KCNMA1: variants seen among roughly 807,000 people sequenced by gnomAD.
The protein encoded by KCNMA1 is potassium calcium-activated channel subfamily M alpha 1.
KCNMA1 carries 29 observed loss-of-function variants against 140.0 expected under a neutral mutation model. The observed-to-expected ratio is 0.21, with a 90% CI of 0.15 to 0.28. The LOEUF is 0.28. Ranked by LOEUF, KCNMA1 falls within the 10% of genes least tolerant of loss-of-function variation. KCNMA1 has a pLI of 1.00. For synonymous variants in KCNMA1, 612 were observed against 611.9 expected (o/e 1.00, Z 0.00); for missense variants, 880 against 1,602.2 (o/e 0.55, Z 7.70).
chr10:77,348,990 A>G (rs2092552908), intron 2 of KCNMA1, among the ~76,000 whole-genome samples: 1 of 152,208 alleles, frequency 6.6e-6, no homozygotes, highest in Admixed American at 6.5e-5. Context: ...AGCTTTTTGT[A>G]AGATTATAAA....
chr10:77,405,286 T>C (rs1318360687), intron 1 of KCNMA1, among the ~76,000 whole-genome samples: 1 of 152,228 alleles, frequency 6.6e-6, no homozygotes, highest in Non-Finnish European at 1.5e-5. Context: ...GCTTTATTTT[T>C]CTCCATAGCA....
chr10:77,249,261 G>T (rs1210345893), intron 3 of KCNMA1, among the ~76,000 whole-genome samples: 1 of 152,146 alleles, frequency 6.6e-6, no homozygotes, highest in Non-Finnish European at 1.5e-5. Flanking sequence ...GGCCTAGAAG[G>T]ATCACAATTA....
intron 12 of KCNMA1, among the ~76,000 whole-genome samples, chr10:77,081,160 G>A (rs2096555811): frequency 6.6e-6 from 1 of 152,112 alleles, no homozygotes; most frequent in African/African-American, 2.4e-5. Context: ...GAAACACGTG[G>A]GTTCCAGTCA....
chr10:76,948,046 C>T (rs909546567), intron 22 of KCNMA1, among the ~76,000 whole-genome samples: 1 of 151,978 alleles, frequency 6.6e-6, no homozygotes, highest in African/African-American at 2.4e-5. Flanking sequence ...GTTCTGTTGC[C>T]CAGGCTGGAG....
intron 13 of KCNMA1, among the ~76,000 whole-genome samples, chr10:77,073,799 G>A (rs1312567132): frequency 6.6e-6 from 1 of 152,106 alleles, no homozygotes; most frequent in African/African-American, 2.4e-5. Context: ...CTCACAAGTT[G>A]GAGGTGACGC....
intron 9 of KCNMA1, among the ~76,000 whole-genome samples, chr10:77,105,979 C>T (rs2097190846): frequency 6.6e-6 from 1 of 152,150 alleles, no homozygotes; most frequent in Admixed American, 6.5e-5. Context: ...AACATTTCAT[C>T]AATCTTGTTT....
intron 27 of KCNMA1, 91 bp downstream of exon 27, chr10:76,889,360 A>T: frequency 2.3e-6 from 2 of 878,498 alleles, no homozygotes; most frequent in Non-Finnish European, 3.9e-6. Context: ...GAGGAGATGT[A>T]TACAGACCTT....
At position 77,513,745 on chromosome 10, in the gene KCNMA1, A is replaced by G. The variant is rs565591614; in HGVS notation, c.379-109722T>C. On this transcript the variant is annotated intron_variant, in intron 1 of 27. Transcript: ENST00000286628. The stretch of plus-strand genomic sequence containing the variant: ...GAGGGAAGCACAAACCACTCCAATG[A>G]TCCATTCAGGCCATGTCTGCTCCAC... Among the ~76,000 whole-genome samples the G allele has an allele frequency of 3.3e-5, 5 of 152,336 alleles. No individual in the cohort carries two copies. In the South Asian group the frequency reaches 1.0e-3, roughly 32 times the overall value.
intron 1 of KCNMA1, among the ~76,000 whole-genome samples, chr10:77,484,381 T>C (rs1042104373): frequency 6.6e-6 from 1 of 152,240 alleles, no homozygotes; most frequent in African/African-American, 2.4e-5. Context: ...CTTATAGAAG[T>C]TGCCGTCCCC....
At chr10:77,333,329 C>T (rs1602946198) in intron 2 of KCNMA1, among the ~76,000 whole-genome samples, 1 of 115,158 alleles carries the variant, frequency 8.7e-6, no homozygotes, top group African/African-American at 3.5e-5. Flanking sequence ...GCCTGTGCAA[C>T]ATAGAGAGAC....
chr10:76,992,826 T>C (rs2083173058), intron 19 of KCNMA1, among the ~76,000 whole-genome samples: 1 of 152,202 alleles, frequency 6.6e-6, no homozygotes, highest in Non-Finnish European at 1.5e-5. Context: ...ACATGACTTC[T>C]TTAGGACTCT....
chr10:76,952,071 G>A lies in KCNMA1; in HGVS notation c.2484+1730C>T, dbSNP rs1179663893. Reference sequence around the variant, plus strand: ...CTTTTTTATGCTGGCAGGAGATGTTGATTGAATATCAGTTGGCATGCATAC... The same window carrying A: ...CTTTTTTATGCTGGCAGGAGATGTTAATTGAATATCAGTTGGCATGCATAC... On this transcript the variant is annotated intron_variant, in intron 21 of 27. Coordinates refer to ENST00000286628, the MANE Select transcript of KCNMA1 (RefSeq NM_001161352.2). 1.9e-6 allele frequency: 3 copies of A among 1,552,242 alleles called. No individual in the cohort carries two copies. In the Admixed American group the frequency reaches 5.9e-5, roughly 30 times the overall value.
rs367925790 is a variant in KCNMA1, at chr10:77,228,217, G to A, written c.602+22978C>T. 5.9e-5 allele frequency among the ~76,000 whole-genome samples: 9 copies of A among 151,958 alleles called. 1 individual carries two copies. Among genetic ancestry groups the A allele is most frequent in the Admixed American group, 2.0e-4 (3 of 15,250 alleles). On this transcript the variant is annotated intron_variant, in intron 3 of 27. Transcript: ENST00000286628. ...TGACCTCAGGTGATCCACTTGCCTC[G>A]GCCTCCCAAAGTGCTGGGATTACAG... is the stretch of plus-strand genomic sequence containing the variant.
At chr10:77,636,816 A>C (rs753520920) in intron 1 of KCNMA1, 2 of 1,441,948 alleles carry the variant, frequency 1.4e-6, no homozygotes, top group African/African-American at 2.9e-5. Flanking sequence ...ACAGGTTCCT[A>C]AAGTATGGGC....
intron 3 of KCNMA1, among the ~76,000 whole-genome samples, chr10:77,192,084 T>A (rs957457241): frequency 3.9e-5 from 6 of 152,286 alleles, no homozygotes; most frequent in Admixed American, 3.9e-4. Context: ...TGGAGACTCC[T>A]GAAACAATGA....
intron 20 of KCNMA1, among the ~76,000 whole-genome samples, chr10:76,960,803 T>C (rs942011189): frequency 1.3e-5 from 2 of 152,016 alleles, no homozygotes; most frequent in African/African-American, 4.8e-5. Context: ...GCCTGTCCTT[T>C]GAAGCTTTGA....
chr10:77,143,568 C>T (rs1185868815), intron 5 of KCNMA1, among the ~76,000 whole-genome samples: 1 of 152,086 alleles, frequency 6.6e-6, no homozygotes, highest in Non-Finnish European at 1.5e-5. Flanking sequence ...CAACTCTTAC[C>T]TAACACAATC....
At chr10:77,129,323 G>A (rs2097803020) in intron 5 of KCNMA1, among the ~76,000 whole-genome samples, 1 of 152,186 alleles carries the variant, frequency 6.6e-6, no homozygotes, top group African/African-American at 2.4e-5. Flanking sequence ...CACTGCTTTA[G>A]AGTATCTTTT....
At chr10:77,213,843 G>A (rs2046884980) in intron 3 of KCNMA1, among the ~76,000 whole-genome samples, 1 of 152,106 alleles carries the variant, frequency 6.6e-6, no homozygotes, top group Non-Finnish European at 1.5e-5. Flanking sequence ...TTCATCAACA[G>A]CAACCTCTCA....
Sources: gnomAD v4.1 joint callset for allele counts (sites outside exome capture counted in the v4.1 genomes callset) on GRCh38, gnomAD v4.1.1 for gene constraint, MANE v1.5 for transcripts, NCBI Gene and HGNC (gene_info 2026-07-23, HGNC 2026-07-21) for gene names.